SASH1: variants seen among roughly 807,000 people sequenced by gnomAD.
SASH1 encodes the protein SAM and SH3 domain containing 1, also known as SAM and SH3 domain-containing protein 1.
In SASH1, 44 loss-of-function variants were observed where a neutral mutation model predicts 125.2. The ratio of observed to expected loss-of-function variants is 0.35; its 90% CI spans 0.28 to 0.45. The LOEUF is 0.45. Among genes scored for constraint, SASH1 ranks in the 20% least tolerant of loss-of-function variants. The pLI, the probability that SASH1 is intolerant of heterozygous loss-of-function variation, is 1.00. For synonymous variants in SASH1, 639 were observed against 649.1 expected (o/e 0.98, Z 0.24); for missense variants, 1,426 against 1,614.5 (o/e 0.88, Z 2.00).
chr6:148,223,854 A>G, the SASH1 span, among the ~76,000 whole-genome samples: 74 of 152,356 alleles, frequency 4.9e-4, no homozygotes, highest in African/African-American at 1.7e-3. Flanking sequence ...TTCTTGTTGC[A>G]TTTGAAAAGA....
rs1381288335 is a variant in SASH1 at position 148,551,291 on chromosome 6, T to C, written c.*2733T>C. On this transcript the variant is annotated 3_prime_UTR_variant, in exon 20 of 20. Coordinates refer to ENST00000367467, the MANE Select transcript of SASH1 (RefSeq NM_015278.5). Reference sequence around the variant, plus strand: ...TTCAGGAATATCCAGTTTTAATCAGTTGCATTTGGTACAGAATTTTGAGTA... The same window carrying C: ...TTCAGGAATATCCAGTTTTAATCAGCTGCATTTGGTACAGAATTTTGAGTA... 2 of 152,622 alleles carry C rather than the reference T, an allele frequency of 1.3e-5. No individual in the cohort carries two copies. The highest frequency in any genetic ancestry group is 4.8e-5 in the African/African-American group (2 of 41,436). 9.5% of individuals were successfully genotyped at this position (152,622 alleles called of 1,614,324 possible).
Position 148,543,754 on chromosome 6 carries a change from C to T in SASH1, c.2284C>T (p.Gln762Ter), listed in dbSNP as rs1220008451. The change falls in exon 18 of 20, where the codon CAG becomes TAG. Residue 762 changes from glutamine (Q) to a stop codon, truncating the protein, a stop_gained. Coordinates refer to ENST00000367467, the MANE Select transcript of SASH1 (RefSeq NM_015278.5). LOFTEE classifies it high-confidence loss of function. ...EPSLKSFSRNQLGNYPTLPLM... is the reference protein window; with the variant it reads ...EPSLKSFSRN ...CAGCTTGAAGTCTTTTAGCAGAAAC[C>T]AGTTGGGCAATTACCCAACATTGCC... 1 of 1,610,166 alleles carries T rather than the reference C, an allele frequency of 6.2e-7. No individual in the cohort carries two copies. Among genetic ancestry groups the T allele is most frequent in the African/African-American group, 1.3e-5 (1 of 74,834 alleles).
chr6:148,326,377 T>TATATATATATATATATA (rs1780825015), intron 1 of SASH1, among the ~76,000 whole-genome samples: 5 of 33,456 alleles, frequency 1.5e-4, no homozygotes, highest in Non-Finnish European at 1.3e-4. Context: ...TATATATACA[T>TATATATATATATATATA]TCTTTTCTTT....
intron 1 of SASH1, among the ~76,000 whole-genome samples, chr6:148,289,844 T>C (rs150043811): frequency 5.4e-5 from 8 of 148,804 alleles, no homozygotes; most frequent in African/African-American, 2.0e-4. Flanking sequence ...GTGAGGAAAA[T>C]GGTTTTTTTT....
At chr6:148,311,088 T>C (rs1426648917) in intron 1 of SASH1, among the ~76,000 whole-genome samples, 1 of 150,070 alleles carries the variant, frequency 6.7e-6, no homozygotes, top group African/African-American at 2.5e-5. Context: ...CTTCTTTTTT[T>C]CTTTTCTTTT....
At chr6:148,461,271 C>T (rs897017436) in intron 4 of SASH1, among the ~76,000 whole-genome samples, 7 of 152,146 alleles carry the variant, frequency 4.6e-5, no homozygotes, top group African/African-American at 1.7e-4. Flanking sequence ...TTTGGTATTG[C>T]AGACACCTGC....
chr6:148,376,002 T>A (rs1050778062), intron 1 of SASH1, among the ~76,000 whole-genome samples: 1 of 152,108 alleles, frequency 6.6e-6, no homozygotes, highest in South Asian at 2.1e-4. Context: ...CTAGGTGTGT[T>A]GTGAAGAGTT....
rs1782792253 is a variant in SASH1 at position 148,549,861 on chromosome 6, G to A, written c.*1303G>A. On this transcript the variant is annotated 3_prime_UTR_variant, in exon 20 of 20. Transcript: ENST00000367467. ...TTTCGCTCTTGTCACCCAGGCTGGA[G>A]TGCAATGGCACGATCTTGGCTCACT... 1 of 272,964 alleles carries A rather than the reference G, an allele frequency of 3.7e-6. No homozygotes were observed. Among genetic ancestry groups the A allele is most frequent in the Non-Finnish European group, 6.8e-6 (1 of 147,866 alleles). 16.9% of individuals were successfully genotyped at this position (272,964 alleles called of 1,614,324 possible). A position where few individuals can be genotyped will look rare whatever the true frequency, so the allele number is the denominator to read the frequency against.
At chr6:148,318,401 TATC>T (rs1780537706) in intron 1 of SASH1, among the ~76,000 whole-genome samples, 1 of 152,234 alleles carries the variant, frequency 6.6e-6, no homozygotes, top group African/African-American at 2.4e-5. Flanking sequence ...TTCAAAATCA[TATC>T]ATCTGAATGC....
chr6:148,331,126 C>G (rs991402301), intron 1 of SASH1, among the ~76,000 whole-genome samples: 9 of 152,154 alleles, frequency 5.9e-5, no homozygotes, highest in Admixed American at 3.9e-4. Flanking sequence ...ACATAGCCCA[C>G]TTTTTTGATC....
At chr6:148,225,569 AG>A in the SASH1 span, among the ~76,000 whole-genome samples, 1 of 151,228 alleles carries the variant, frequency 6.6e-6, no homozygotes, top group Non-Finnish European at 1.5e-5. Context: ...TGGAGACTGA[AG>A]GGGAAAGGGT....
In SASH1 at chr6:148,533,327, G is replaced by A. The variant is rs1356614298; in HGVS notation, c.1734+361G>A. On this transcript the variant is annotated intron_variant, in intron 14 of 19. Transcript: ENST00000367467. The surrounding 1 kb of genome is among the most constrained non-coding windows in gnomAD (Gnocchi z 6.2). Reference sequence around the variant, plus strand: ...ATTTCTGCCTTCTGTGTGCTCAGAGGTACCTTTATGGGACAGATGGGGTTC... The same window carrying A: ...ATTTCTGCCTTCTGTGTGCTCAGAGATACCTTTATGGGACAGATGGGGTTC... Among the ~76,000 whole-genome samples the A allele has an allele frequency of 6.6e-6, 1 of 152,174 alleles. No homozygotes were observed. Among genetic ancestry groups the A allele is most frequent in the African/African-American group, 2.4e-5 (1 of 41,444 alleles).
the SASH1 span, among the ~76,000 whole-genome samples, chr6:148,228,854 G>T: frequency 1.3e-5 from 2 of 152,084 alleles, no homozygotes; most frequent in Non-Finnish European, 2.9e-5. Flanking sequence ...AGAAAATCTT[G>T]GCTGGGCGCA....
chr6:148,349,202 T>A (rs1781619846), intron 1 of SASH1, among the ~76,000 whole-genome samples: 1 of 150,374 alleles, frequency 6.7e-6, no homozygotes, highest in Non-Finnish European at 1.5e-5. Context: ...ACTACTTGCG[T>A]CTGTGTTTTG....
At chr6:148,320,457 C>T (rs1780609037) in intron 1 of SASH1, among the ~76,000 whole-genome samples, 1 of 152,212 alleles carries the variant, frequency 6.6e-6, no homozygotes, top group African/African-American at 2.4e-5. Flanking sequence ...TGTGTGTATT[C>T]TGTTACAGCA....
chr6:148,429,231 A>T (rs778932749), intron 2 of SASH1, among the ~76,000 whole-genome samples: 1 of 152,008 alleles, frequency 6.6e-6, no homozygotes, highest in Non-Finnish European at 1.5e-5. Flanking sequence ...CACAAATTAA[A>T]GGAAGGAAGC....
chr6:148,420,441 T>C (rs1785011078), intron 2 of SASH1, among the ~76,000 whole-genome samples: 1 of 152,216 alleles, frequency 6.6e-6, no homozygotes, highest in Non-Finnish European at 1.5e-5. Flanking sequence ...CATACATATC[T>C]GTTCTGTAAG....
intron 2 of SASH1, among the ~76,000 whole-genome samples, chr6:148,425,856 G>A (rs1775798510): frequency 1.3e-5 from 2 of 150,516 alleles, no homozygotes; most frequent in South Asian, 4.2e-4. Flanking sequence ...CTCAGCCTCC[G>A]TGAGCCACTG....
chr6:148,460,986 GGAGAA>G (rs1190290611), intron 4 of SASH1, among the ~76,000 whole-genome samples: 1 of 152,214 alleles, frequency 6.6e-6, no homozygotes, highest in Non-Finnish European at 1.5e-5. Flanking sequence ...CGAGTCTGCT[GGAGAA>G]GACTAAGTTC....
Sources: gnomAD v4.1 joint callset for allele counts (sites outside exome capture counted in the v4.1 genomes callset) on GRCh38, gnomAD v4.1.1 for gene constraint, Gnocchi (gnomAD v3.1) non-coding constraint, MANE v1.5 for transcripts, NCBI Gene and HGNC (gene_info 2026-07-23, HGNC 2026-07-21) for gene names.